The following SEMA5A variants were observed in gnomAD, a reference collection of about 807,000 sequenced individuals.
SEMA5A encodes the protein semaphorin 5A.
Under a neutral mutation model 135.5 loss-of-function variants are expected in SEMA5A, and 55 were observed. The ratio of observed to expected loss-of-function variants is 0.41; its 90% CI spans 0.33 to 0.51. The LOEUF is 0.51. Among genes scored for constraint, SEMA5A ranks in the 20% least tolerant of loss-of-function variants. SEMA5A has a pLI of 0.37. For synonymous variants in SEMA5A, 580 were observed against 546.5 expected (o/e 1.06, Z -0.85); for missense variants, 1,290 against 1,419.9 (o/e 0.91, Z 1.47).
intron 1 of SEMA5A, among the ~76,000 whole-genome samples, chr5:9,535,824 GGA>G (rs1737732502): frequency 6.6e-6 from 1 of 152,206 alleles, no homozygotes; most frequent in African/African-American, 2.4e-5. Context: ...CGGCAAGCCA[GGA>G]GAGAGTTACC....
intron 10 of SEMA5A, among the ~76,000 whole-genome samples, chr5:9,195,191 G>C (rs992652019): frequency 5.3e-5 from 8 of 152,146 alleles, no homozygotes; most frequent in Admixed American, 3.3e-4. Context: ...GATTTTTAGA[G>C]ACAGGGTCTT....
At chr5:9,267,512 G>T (rs913932714) in intron 5 of SEMA5A, among the ~76,000 whole-genome samples, 2 of 151,994 alleles carry the variant, frequency 1.3e-5, no homozygotes, top group African/African-American at 2.4e-5. Context: ...TTCTTAACTG[G>T]TTTCCACATT....
intron 1 of SEMA5A, among the ~76,000 whole-genome samples, chr5:9,474,227 G>A (rs1000510472): frequency 6.6e-6 from 1 of 152,122 alleles, no homozygotes; most frequent in Non-Finnish European, 1.5e-5. Flanking sequence ...CGTGGAGTCC[G>A]AGCATCCCAA....
rs1735672155 is a variant in SEMA5A at position 9,036,725 on chromosome 5, A to G, written c.*6172T>C. The stretch of plus-strand genomic sequence containing the variant: ...TGGTCATTTTCTATTCCTGAGTTCA[A>G]AGAGACATAGGAGAATAATTTTCTT... On this transcript the variant is annotated 3_prime_UTR_variant, in exon 23 of 23. Transcript: ENST00000382496. 1 of 152,624 alleles carries G rather than the reference A, an allele frequency of 6.6e-6. No homozygotes were observed. Among genetic ancestry groups the G allele is most frequent in the Non-Finnish European group, 1.5e-5 (1 of 68,044 alleles). 9.5% of individuals were successfully genotyped at this position (152,624 alleles called of 1,614,324 possible).
In SEMA5A at chr5:9,035,959, CAAAAAAA is replaced by C. The variant is rs367901928; in HGVS notation, c.*6931_*6937del. The stretch of plus-strand genomic sequence containing the variant: ...TGAAATTGGCTTTGGAGGAGTTTCA[CAAAAAAA>C]AAAAAAAAAAAAAATCTCAAGTTTA... On this transcript the variant is annotated 3_prime_UTR_variant, in exon 23 of 23. Transcript: ENST00000382496. The C allele has an allele frequency of 8.8e-6, 1 of 113,362 alleles. No individual in the cohort carries two copies. The highest frequency in any genetic ancestry group is 9.8e-5 in the Admixed American group (1 of 10,204). The allele number at this position is 113,362 out of a possible 1,614,324, so 7.0% of individuals were successfully genotyped here.
At chr5:9,165,643 A>C (rs1743565786) in intron 11 of SEMA5A, among the ~76,000 whole-genome samples, 1 of 152,216 alleles carries the variant, frequency 6.6e-6, no homozygotes, top group Admixed American at 6.5e-5. Flanking sequence ...CGCTATGTCC[A>C]AGAGGCATTT....
intron 2 of SEMA5A, 43 bp from the exon 3 acceptor site, chr5:9,380,066 T>C (rs1386797865): frequency 1.1e-5 from 15 of 1,335,822 alleles, no homozygotes; most frequent in Non-Finnish European, 1.5e-5. Context: ...TGTGAGTTCG[T>C]TTTCTGGTGG....
chr5:9,050,319 G>T, intron 21 of SEMA5A, 91 bp downstream of exon 21: 2 of 1,223,628 alleles, frequency 1.6e-6, no homozygotes, highest in Admixed American at 2.5e-5. Flanking sequence ...TCTTGGCCAA[G>T]AGGCAGAAAA....
intron 16 of SEMA5A, 90 bp downstream of exon 16, chr5:9,108,050 A>G (rs1045165199): frequency 1.4e-5 from 20 of 1,452,670 alleles, no homozygotes; most frequent in Non-Finnish European, 1.9e-5. Context: ...TGTTTGCAGA[A>G]CATCTAGTGT....
intron 1 of SEMA5A, among the ~76,000 whole-genome samples, chr5:9,542,240 T>C (rs1738132434): frequency 6.6e-6 from 1 of 152,172 alleles, no homozygotes; most frequent in Non-Finnish European, 1.5e-5. Flanking sequence ...TTGCTCCCAA[T>C]CTATACAGGA....
rs756261080 is a variant in SEMA5A at position 9,362,959 on chromosome 5, C to T, written c.124+16864G>A. 7.2e-5 allele frequency among the ~76,000 whole-genome samples: 11 copies of T among 152,266 alleles called. No homozygotes were observed. The South Asian group carries it at 1.2e-3, about 17-fold the overall frequency. On this transcript the variant is annotated intron_variant, in intron 3 of 22. Coordinates refer to ENST00000382496, the MANE Select transcript of SEMA5A (RefSeq NM_003966.3). ...CTAGGGAGTGTTCAGGATTTCTCAG[C>T]GACTGCCTCACCTCAGCATAATATT... is the stretch of plus-strand genomic sequence containing the variant.
intron 3 of SEMA5A, among the ~76,000 whole-genome samples, chr5:9,349,207 G>A (rs115763470): frequency 0.035 from 5,345 of 152,280 alleles, 132 homozygotes; most frequent in Non-Finnish European, 0.054. Context: ...TCTACACATC[G>A]GAACTAGAAC....
chr5:9,488,229 G>C (rs1734825713), intron 1 of SEMA5A, among the ~76,000 whole-genome samples: 1 of 152,128 alleles, frequency 6.6e-6, no homozygotes, highest in Non-Finnish European at 1.5e-5. Flanking sequence ...GTTTCAGGCT[G>C]AATTACTGGC....
At chr5:9,426,424 C>CA (rs561930832) in intron 2 of SEMA5A, among the ~76,000 whole-genome samples, 8,955 of 29,392 alleles carry the variant, frequency 0.3, 436 homozygotes, top group Middle Eastern at 0.35. Flanking sequence ...GACTCCATCT[C>CA]AAAAAAATAA....
At chr5:9,247,004 G>A (rs1257353531) in intron 5 of SEMA5A, among the ~76,000 whole-genome samples, 3 of 152,090 alleles carry the variant, frequency 2.0e-5, no homozygotes, top group Non-Finnish European at 4.4e-5. Flanking sequence ...ATAGTTAAAG[G>A]GTTCAAAAGG....
Position 9,516,320 on chromosome 5 carries a change from C to T in SEMA5A, c.-175+29264G>A, listed in dbSNP as rs146709863. Among the ~76,000 whole-genome samples the T allele has an allele frequency of 2.3e-3, 350 of 152,210 alleles. 3 individuals carry two copies. The highest frequency in any genetic ancestry group is 4.2e-3 in the East Asian group (22 of 5,182). ...ACACACACCTGCTGTCCATGAAGAGCAGGAGTTTTGCCCATCACATGGAGA... is the reference window on the plus strand; with the variant it reads ...ACACACACCTGCTGTCCATGAAGAGTAGGAGTTTTGCCCATCACATGGAGA... On this transcript the variant is annotated intron_variant, in intron 1 of 22. Transcript: ENST00000382496.
intron 3 of SEMA5A, among the ~76,000 whole-genome samples, chr5:9,378,047 A>C (rs1379515427): frequency 1.3e-5 from 2 of 152,236 alleles, no homozygotes; most frequent in African/African-American, 4.8e-5. Flanking sequence ...TGTAAACTAC[A>C]TGGATTAAAA....
chr5:9,197,365 C>G (rs567868956), intron 9 of SEMA5A, 62 bp from the exon 10 acceptor site: 90 of 1,578,784 alleles, frequency 5.7e-5, no homozygotes, highest in Non-Finnish European at 6.7e-5. Flanking sequence ...CTGACCTCCC[C>G]CTATGGACTG....
intron 11 of SEMA5A, among the ~76,000 whole-genome samples, chr5:9,162,939 G>C (rs1256902806): frequency 1.3e-5 from 2 of 152,024 alleles, no homozygotes; most frequent in African/African-American, 4.8e-5. Context: ...AGGTATTTTT[G>C]TTTCAAAAGT....
Sources: allele counts gnomAD v4.1 joint callset (sites outside exome capture counted in the v4.1 genomes callset), GRCh38; gene constraint gnomAD v4.1.1; transcripts MANE v1.5; gene names NCBI Gene and HGNC (gene_info 2026-07-23, HGNC 2026-07-21).